PRR5L: variants seen among roughly 807,000 people sequenced by gnomAD.
The protein encoded by PRR5L is proline-rich protein 5-like.
PRR5L carries 21 observed loss-of-function variants against 36.4 expected under a neutral mutation model. That is an observed-to-expected ratio of 0.58 (90% CI 0.41 to 0.83). The LOEUF is 0.83. Among genes scored for constraint, PRR5L ranks in the 40% least tolerant of loss-of-function variants. PRR5L has a pLI of 0.00. For synonymous variants in PRR5L, 188 were observed against 197.0 expected (o/e 0.95, Z 0.38); for missense variants, 381 against 473.3 (o/e 0.80, Z 1.81).
At chr11:36,434,113 G>A (rs1858557396) in intron 5 of PRR5L, among the ~76,000 whole-genome samples, 1 of 152,160 alleles carries the variant, frequency 6.6e-6, no homozygotes, top group Non-Finnish European at 1.5e-5. Flanking sequence ...ACTCAGAAAT[G>A]GGGCTAGACA....
chr11:36,330,173 T>C (rs1856704299), intron 1 of PRR5L, among the ~76,000 whole-genome samples: 1 of 152,216 alleles, frequency 6.6e-6, no homozygotes. Context: ...GAGAAAAAGA[T>C]GAATGTTTCA....
chr11:36,350,294 AGT>A lies in PRR5L; in HGVS notation c.-125-50695_-125-50694del, dbSNP rs574950893. Among the ~76,000 whole-genome samples the A allele has an allele frequency of 3.0e-3, 422 of 138,518 alleles. 6 individuals carry two copies. Among genetic ancestry groups the A allele is most frequent in the African/African-American group, 0.011 (391 of 36,506 alleles). The allele number at this position is 138,518 out of a possible 152,430, so 90.9% of individuals were successfully genotyped here. ...GGATGTGTGAGTCTGTGAATGTGAGAGTGTGTGTGGGTGTGGGTGTGTGTGAA... is the reference window on the plus strand; with the variant it reads ...GGATGTGTGAGTCTGTGAATGTGAGAGTGTGTGGGTGTGGGTGTGTGTGAA... On this transcript the variant is annotated intron_variant, in intron 1 of 8. Transcript: ENST00000530639.
At chr11:36,417,903 G>A (rs1318552701) in intron 3 of PRR5L, among the ~76,000 whole-genome samples, 2 of 152,278 alleles carry the variant, frequency 1.3e-5, no homozygotes, top group East Asian at 3.9e-4. Flanking sequence ...ATCATGAAGG[G>A]TTTACTCACT....
At chr11:36,429,117 T>C (rs1180128787) in intron 4 of PRR5L, among the ~76,000 whole-genome samples, 2 of 152,120 alleles carry the variant, frequency 1.3e-5, no homozygotes, top group Non-Finnish European at 2.9e-5. Context: ...GAAAGGAAAA[T>C]CCAGGCCATG....
chr11:36,441,425 T>C (rs1858720283), intron 6 of PRR5L, among the ~76,000 whole-genome samples: 1 of 152,172 alleles, frequency 6.6e-6, no homozygotes, highest in South Asian at 2.1e-4. Flanking sequence ...TCCAAAATAG[T>C]CTTTGACCCC....
chr11:36,452,289 T>C (rs1001599866), intron 8 of PRR5L, among the ~76,000 whole-genome samples: 4 of 152,228 alleles, frequency 2.6e-5, no homozygotes, highest in East Asian at 1.9e-4. Flanking sequence ...ATTGGGAACC[T>C]GATGCCCCCT....
chr11:36,298,177 T>A (rs1442926235), intron 1 of PRR5L, among the ~76,000 whole-genome samples: 1 of 152,108 alleles, frequency 6.6e-6, no homozygotes, highest in African/African-American at 2.4e-5. Context: ...CATGACAAAA[T>A]ATCACAGACT....
intron 1 of PRR5L, among the ~76,000 whole-genome samples, chr11:36,340,625 C>T (rs1856808738): frequency 6.6e-6 from 1 of 152,130 alleles, no homozygotes; most frequent in South Asian, 2.1e-4. Flanking sequence ...GCTTCAGAGT[C>T]TTTGCTTTGA....
chr11:36,333,282 C>T (rs1030201965), intron 1 of PRR5L, among the ~76,000 whole-genome samples: 1 of 152,140 alleles, frequency 6.6e-6, no homozygotes, highest in Non-Finnish European at 1.5e-5. Flanking sequence ...ATTCGCTGCT[C>T]GTGGGGATGG....
intron 1 of PRR5L, among the ~76,000 whole-genome samples, chr11:36,388,696 T>G (rs1215929502): frequency 8.2e-6 from 1 of 121,418 alleles, no homozygotes; most frequent in Non-Finnish European, 1.7e-5. Flanking sequence ...GGCTCTTTCT[T>G]TCTTTTTTTT....
chr11:36,436,762 G>A (rs1391189130), intron 5 of PRR5L, among the ~76,000 whole-genome samples: 1 of 152,228 alleles, frequency 6.6e-6, no homozygotes, highest in African/African-American at 2.4e-5. Context: ...CCTTCGAGCT[G>A]TGTGACTTTG....
At chr11:36,390,201 G>T (rs1857539193) in intron 1 of PRR5L, among the ~76,000 whole-genome samples, 1 of 152,186 alleles carries the variant, frequency 6.6e-6, no homozygotes. Flanking sequence ...AGAAAGGAGG[G>T]TGTCTCTGAG....
At chr11:36,431,541 C>G (rs745332605) in intron 4 of PRR5L, among the ~76,000 whole-genome samples, 8 of 152,016 alleles carry the variant, frequency 5.3e-5, no homozygotes, top group Non-Finnish European at 1.0e-4. Context: ...CACTAAGGGC[C>G]TCTAGGACAC....
chr11:36,412,678 C>G (rs1468357131), intron 3 of PRR5L, among the ~76,000 whole-genome samples: 2 of 151,034 alleles, frequency 1.3e-5, no homozygotes, highest in Non-Finnish European at 2.9e-5. Flanking sequence ...AAAAGTAAGT[C>G]AGGCTACAGG....
chr11:36,462,199 C>A, intron 8 of PRR5L, 143 bp from the exon 9 acceptor site: 1 of 717,518 alleles, frequency 1.4e-6, no homozygotes, highest in Non-Finnish European at 2.1e-6. Context: ...CACCAGATTC[C>A]TCCCTTGCAT....
In PRR5L at chr11:36,369,487, G is replaced by T. The variant is rs372985744; in HGVS notation, c.-125-31510G>T. 4.6e-5 allele frequency among the ~76,000 whole-genome samples: 7 copies of T among 152,268 alleles called. 1 individual carries two copies. The South Asian group carries it at 1.5e-3, about 32-fold the overall frequency. On this transcript the variant is annotated intron_variant, in intron 1 of 8. Coordinates refer to ENST00000530639, the MANE Select transcript of PRR5L (RefSeq NM_001160167.2). ...TTCTGCAGAGTCTGAGGTATGTGAT[G>T]GTTCCTGGAAAAGGCGGTATGGTCT... is the stretch of plus-strand genomic sequence containing the variant.
intron 3 of PRR5L, among the ~76,000 whole-genome samples, chr11:36,418,592 C>T (rs1858196822): frequency 1.3e-5 from 2 of 151,990 alleles, no homozygotes; most frequent in African/African-American, 4.8e-5. Context: ...GTCAGGAGAT[C>T]GAGACCATCC....
chr11:36,359,610 A>G (rs1469484678), intron 1 of PRR5L, among the ~76,000 whole-genome samples: 1 of 152,262 alleles, frequency 6.6e-6, no homozygotes, highest in Non-Finnish European at 1.5e-5. Context: ...AAAATAACAG[A>G]TAAGATACAG....
intron 1 of PRR5L, among the ~76,000 whole-genome samples, chr11:36,387,750 T>G (rs1384043588): frequency 6.6e-6 from 1 of 152,194 alleles, no homozygotes; most frequent in African/African-American, 2.4e-5. Context: ...CAGGCTTACC[T>G]TATACCTGGC....
Sources: gnomAD v4.1 joint callset for allele counts (sites outside exome capture counted in the v4.1 genomes callset) on GRCh38, gnomAD v4.1.1 for gene constraint, MANE v1.5 for transcripts, NCBI Gene and HGNC (gene_info 2026-07-23, HGNC 2026-07-21) for gene names.